Variants in KDM4B observed in about 807,000 individuals in gnomAD.
KDM4B encodes lysine demethylase 4B.
Under a neutral mutation model 125.2 loss-of-function variants are expected in KDM4B, and 32 were observed. That is an observed-to-expected ratio of 0.26 (90% CI 0.19 to 0.34). The LOEUF is 0.34. Among genes scored for constraint, KDM4B ranks in the 10% least tolerant of loss-of-function variants. KDM4B has a pLI of 1.00. For missense variants in KDM4B, 1,190 were observed against 1,577.7 expected, an observed-to-expected ratio of 0.75 and a Z score of 4.16; for synonymous variants, 721 against 677.9, an observed-to-expected ratio of 1.06 and a Z score of -0.99.
intron 11 of KDM4B, among the ~76,000 whole-genome samples, chr19:5,121,210 T>A (rs2039354454): frequency 1.3e-5 from 2 of 152,074 alleles, no homozygotes; most frequent in Non-Finnish European, 2.9e-5. Flanking sequence ...CCTGTGGGCC[T>A]GAGGCAAGAA....
intron 9 of KDM4B, among the ~76,000 whole-genome samples, chr19:5,086,750 G>A (rs1364041735): frequency 1.3e-5 from 2 of 152,222 alleles, no homozygotes; most frequent in African/African-American, 2.4e-5. Flanking sequence ...TCCCTCTGGA[G>A]TTCCGGATGG....
chr19:5,128,368 G>A, intron 11 of KDM4B, among the ~76,000 whole-genome samples: 1 of 152,182 alleles, frequency 6.6e-6, no homozygotes, highest in East Asian at 1.9e-4. Context: ...GGCCCTCCTG[G>A]GCCAGATCCC....
At chr19:5,072,005 A>C (rs2037964074) in intron 7 of KDM4B, among the ~76,000 whole-genome samples, 1 of 152,086 alleles carries the variant, frequency 6.6e-6, no homozygotes, top group South Asian at 2.1e-4. Context: ...GACAGCATTG[A>C]GAGGGCCCTG....
intron 11 of KDM4B, among the ~76,000 whole-genome samples, chr19:5,130,871 G>C (rs1008155557): frequency 1.3e-4 from 20 of 152,268 alleles, no homozygotes. Flanking sequence ...GGGAGACCAA[G>C]GCCTGGGGGT....
chr19:5,105,390 C>T (rs774324222), intron 9 of KDM4B, among the ~76,000 whole-genome samples: 1 of 152,218 alleles, frequency 6.6e-6, no homozygotes. Context: ...TGTTACACTG[C>T]GAGTTACACT....
At chr19:5,138,401 G>A (rs945175504) in intron 18 of KDM4B, 6 of 319,302 alleles carry the variant, frequency 1.9e-5, no homozygotes, top group Admixed American at 9.4e-5. Flanking sequence ...GGCACCGCAC[G>A]TGCCCCGACA....
intron 6 of KDM4B, among the ~76,000 whole-genome samples, chr19:5,054,054 G>A (rs2037317095): frequency 6.6e-6 from 1 of 152,234 alleles, no homozygotes. Context: ...CTGTGCGTGA[G>A]TGGGCCTCAG....
At chr19:5,011,742 C>T (rs1434782016) in intron 1 of KDM4B, among the ~76,000 whole-genome samples, 1 of 152,230 alleles carries the variant, frequency 6.6e-6, no homozygotes, top group Non-Finnish European at 1.5e-5. Flanking sequence ...GGTGCAGGCC[C>T]AACTTTCGGA....
At chr19:4,989,715 C>T (rs973826339) in intron 1 of KDM4B, among the ~76,000 whole-genome samples, 14 of 151,780 alleles carry the variant, frequency 9.2e-5, no homozygotes, top group East Asian at 5.8e-4. Context: ...TGCAAGGGCA[C>T]GATTTTGGCT....
rs529050383 is a variant in KDM4B, at chr19:5,049,999, C to T, written c.626+2330C>T. Among the ~76,000 whole-genome samples the T allele has an allele frequency of 7.9e-5, 12 of 152,252 alleles. 2 individuals are homozygous for T. The highest frequency in any genetic ancestry group is 2.2e-4 in the African/African-American group (9 of 41,546). On this transcript the variant is annotated intron_variant, in intron 6 of 22. Transcript: ENST00000159111. ...CTACTCAGGCCCCTGGGAGATGCTT[C>T]CCCCCTCTCCCTTCCTCGGGCCCTT... is the stretch of plus-strand genomic sequence containing the variant.
chr19:5,129,592 G>A (rs775276137), intron 11 of KDM4B, among the ~76,000 whole-genome samples: 8 of 152,220 alleles, frequency 5.3e-5, no homozygotes, highest in Admixed American at 3.9e-4. Context: ...GGGAGGTGGA[G>A]GTGGTGAAAT....
rs1223642649 is a variant in KDM4B at position 5,143,843 on chromosome 19, C to T, written c.2551-124C>T. 3.9e-6 allele frequency: 3 copies of T among 766,504 alleles called. No homozygotes were observed. In the Admixed American group the frequency reaches 8.5e-5, roughly 22 times the overall value. 47.5% of individuals were successfully genotyped at this position (766,504 alleles called of 1,614,324 possible). A position where few individuals can be genotyped will look rare whatever the true frequency, so the allele number is the denominator to read the frequency against. ...GCTGTGGAGGGGAACCCTCACTGGG[C>T]AGAGCGCAGGGCCACTCCCGCGATG... On this transcript the variant is annotated intron_variant, in intron 18 of 22. Transcript: ENST00000159111.
At chr19:5,125,488 A>G (rs1416331189) in intron 11 of KDM4B, among the ~76,000 whole-genome samples, 1 of 152,202 alleles carries the variant, frequency 6.6e-6, no homozygotes, top group Non-Finnish European at 1.5e-5. Flanking sequence ...TGGCTCGTCC[A>G]GCTGCCTGGC....
chr19:5,126,263 T>C (rs2146038685), intron 11 of KDM4B, among the ~76,000 whole-genome samples: 1 of 152,180 alleles, frequency 6.6e-6, no homozygotes, highest in South Asian at 2.1e-4. Context: ...CCTATCCCAT[T>C]CTTACTGGCT....
At chr19:5,094,977 CGGG>C (rs1221442050) in intron 9 of KDM4B, among the ~76,000 whole-genome samples, 1 of 151,538 alleles carries the variant, frequency 6.6e-6, no homozygotes, top group Admixed American at 6.6e-5. Flanking sequence ...GTCTGCAGCT[CGGG>C]GGCGGCGCCG....
At chr19:5,093,175 AGGTCCT>A (rs1380650160) in intron 9 of KDM4B, among the ~76,000 whole-genome samples, 2 of 152,208 alleles carry the variant, frequency 1.3e-5, no homozygotes, top group African/African-American at 4.8e-5. Flanking sequence ...GGAGAAAGGC[AGGTCCT>A]GGTGGCCTGG....
intron 1 of KDM4B, among the ~76,000 whole-genome samples, chr19:4,973,578 G>T (rs1053596035): frequency 2.0e-5 from 3 of 152,114 alleles, no homozygotes; most frequent in Admixed American, 6.5e-5. Context: ...AAATACTGAG[G>T]GGGGAGTGGA....
At chr19:5,137,736 C>T in intron 17 of KDM4B, 60 bp downstream of exon 17, 2 of 1,469,866 alleles carry the variant, frequency 1.4e-6, no homozygotes, top group Non-Finnish European at 1.8e-6. Context: ...TGGGCTGAGG[C>T]TCTGCAGGGT....
intron 1 of KDM4B, among the ~76,000 whole-genome samples, chr19:4,986,095 G>A (rs149965396): frequency 0.027 from 4,149 of 152,310 alleles, 78 homozygotes; most frequent in Middle Eastern, 0.078. Context: ...CTGGTGCCCC[G>A]GGGGAGTAGT....
Sources: allele counts gnomAD v4.1 joint callset (sites outside exome capture counted in the v4.1 genomes callset), GRCh38; gene constraint gnomAD v4.1.1; transcripts MANE v1.5; gene names NCBI Gene and HGNC (gene_info 2026-07-23, HGNC 2026-07-21).